The following MTUS2 variants were observed in gnomAD, a reference collection of about 807,000 sequenced individuals.
The protein encoded by MTUS2 is microtubule associated scaffold protein 2.
MTUS2 carries 40 observed loss-of-function variants against 114.1 expected under a neutral mutation model. The ratio of observed to expected loss-of-function variants is 0.35; its 90% CI spans 0.27 to 0.46. The LOEUF is 0.46. Ranked by LOEUF, MTUS2 falls within the 20% of genes least tolerant of loss-of-function variation. MTUS2 has a pLI of 1.00. For synonymous variants in MTUS2, 688 were observed against 672.0 expected, an observed-to-expected ratio of 1.02 and a Z score of -0.37; for missense variants, 1,679 against 1,705.4, an observed-to-expected ratio of 0.98 and a Z score of 0.27.
chr13:29,337,367 C>T (rs1294365584), intron 7 of MTUS2, among the ~76,000 whole-genome samples: 2 of 152,094 alleles, frequency 1.3e-5, no homozygotes, highest in Non-Finnish European at 2.9e-5. Flanking sequence ...CCTCATGGTA[C>T]AGTCCCTCAT....
At chr13:29,278,013 A>G (rs1022953068) in intron 5 of MTUS2, among the ~76,000 whole-genome samples, 40 of 152,222 alleles carry the variant, frequency 2.6e-4, no homozygotes, top group African/African-American at 7.2e-4. Context: ...CCAATAAATC[A>G]TGTTTGAATG....
At chr13:29,471,745 C>T (rs1421565041) in intron 9 of MTUS2, among the ~76,000 whole-genome samples, 1 of 146,610 alleles carries the variant, frequency 6.8e-6, no homozygotes, top group East Asian at 2.0e-4. Context: ...AGGCCCAGCC[C>T]CCCCCGACAC....
At chr13:28,875,097 T>C (rs1877853037) in intron 2 of MTUS2, among the ~76,000 whole-genome samples, 2 of 152,314 alleles carry the variant, frequency 1.3e-5, no homozygotes, top group South Asian at 2.1e-4. Context: ...TCAGTAAAAA[T>C]GTGTTAAATG....
intron 7 of MTUS2, among the ~76,000 whole-genome samples, chr13:29,347,481 T>C (rs537185094): frequency 6.6e-6 from 1 of 152,306 alleles, no homozygotes; most frequent in East Asian, 1.9e-4. Context: ...CTTTCTGTTA[T>C]TGATCTCTAA....
intron 2 of MTUS2, among the ~76,000 whole-genome samples, chr13:28,910,103 C>T (rs779100306): frequency 2.6e-5 from 4 of 152,126 alleles, no homozygotes; most frequent in Non-Finnish European, 5.9e-5. Context: ...GTCTGTTGTG[C>T]TATCAAATAC....
chr13:29,349,162 T>G (rs1331481306), intron 7 of MTUS2, among the ~76,000 whole-genome samples: 1 of 152,148 alleles, frequency 6.6e-6, no homozygotes, highest in Non-Finnish European at 1.5e-5. Flanking sequence ...ATTTATCTCC[T>G]TTGTTCATGT....
chr13:29,230,490 T>C (rs1343372695), intron 5 of MTUS2, among the ~76,000 whole-genome samples: 1 of 152,214 alleles, frequency 6.6e-6, no homozygotes, highest in Non-Finnish European at 1.5e-5. Context: ...TTTTGCTTCA[T>C]GCTGGCATTA....
intron 2 of MTUS2, among the ~76,000 whole-genome samples, chr13:28,841,977 G>A (rs370768870): frequency 5.9e-5 from 9 of 152,130 alleles, no homozygotes; most frequent in Non-Finnish European, 8.8e-5. Flanking sequence ...GAGCCACCGC[G>A]CCCGGCCAAA....
At chr13:29,271,255 C>A (rs1238564034) in intron 5 of MTUS2, among the ~76,000 whole-genome samples, 1 of 152,198 alleles carries the variant, frequency 6.6e-6, no homozygotes, top group Non-Finnish European at 1.5e-5. Flanking sequence ...TCTGTCCCTG[C>A]AACAGCTTCT....
At chr13:29,445,768 T>C (rs1210775273) in intron 9 of MTUS2, among the ~76,000 whole-genome samples, 2 of 151,718 alleles carry the variant, frequency 1.3e-5, no homozygotes, top group Non-Finnish European at 2.9e-5. Context: ...ATTAGCCAGG[T>C]ATGGTGGCAA....
At chr13:29,077,796 C>G (rs1018780286) in intron 4 of MTUS2, among the ~76,000 whole-genome samples, 3 of 152,174 alleles carry the variant, frequency 2.0e-5, no homozygotes, top group African/African-American at 7.2e-5. Flanking sequence ...CCTGGAATGT[C>G]AAGAACGTTT....
chr13:29,331,817 CAT>C (rs1211335262), intron 7 of MTUS2, among the ~76,000 whole-genome samples: 3 of 152,088 alleles, frequency 2.0e-5, no homozygotes, highest in South Asian at 2.1e-4. Flanking sequence ...TTGAGATAAT[CAT>C]GTGGTTTTTG....
intron 4 of MTUS2, among the ~76,000 whole-genome samples, chr13:29,041,028 G>C (rs1406807013): frequency 1.3e-5 from 2 of 151,996 alleles, no homozygotes; most frequent in Non-Finnish European, 2.9e-5. Flanking sequence ...TAAAATCCTT[G>C]CCTACGATAA....
intron 2 of MTUS2, among the ~76,000 whole-genome samples, chr13:28,909,929 A>G (rs1880301070): frequency 6.6e-6 from 1 of 152,182 alleles, no homozygotes; most frequent in Non-Finnish European, 1.5e-5. Context: ...AAGTATATAT[A>G]TTTATGGGCT....
At chr13:29,240,830 A>G (rs1896703931) in intron 5 of MTUS2, among the ~76,000 whole-genome samples, 1 of 152,058 alleles carries the variant, frequency 6.6e-6, no homozygotes, top group Middle Eastern at 3.2e-3. Flanking sequence ...TTTATCTCAA[A>G]TCTACCCCTT....
At chr13:29,089,554 G>A (rs1374133737) in intron 4 of MTUS2, among the ~76,000 whole-genome samples, 2 of 152,174 alleles carry the variant, frequency 1.3e-5, no homozygotes, top group African/African-American at 4.8e-5. Context: ...TGTTTTCCAA[G>A]TTGCTTGCTT....
intron 5 of MTUS2, among the ~76,000 whole-genome samples, chr13:29,134,834 C>A (rs562052173): frequency 6.6e-6 from 1 of 152,330 alleles, no homozygotes; most frequent in East Asian, 1.9e-4. Context: ...GATGCGCCCG[C>A]CTTGACCTTC....
chr13:29,204,659 C>T (rs1895106368), intron 5 of MTUS2, among the ~76,000 whole-genome samples: 1 of 152,228 alleles, frequency 6.6e-6, no homozygotes, highest in Non-Finnish European at 1.5e-5. Flanking sequence ...CAGGGCAGCA[C>T]CCTGGCCTGG....
intron 2 of MTUS2, among the ~76,000 whole-genome samples, chr13:28,985,543 A>G (rs906323919): frequency 4.7e-5 from 7 of 150,484 alleles, no homozygotes; most frequent in African/African-American, 9.8e-5. Flanking sequence ...TATTTTAGCA[A>G]TCGAAGAAAT....
Sources: gnomAD v4.1 joint callset for allele counts (sites outside exome capture counted in the v4.1 genomes callset) on GRCh38, gnomAD v4.1.1 for gene constraint, MANE v1.5 for transcripts, NCBI Gene and HGNC (gene_info 2026-07-23, HGNC 2026-07-21) for gene names.